The following BMP6 variants were observed in gnomAD, a reference collection of about 807,000 sequenced individuals.
BMP6 encodes bone morphogenetic protein 6.
BMP6 carries 17 observed loss-of-function variants against 54.1 expected under a neutral mutation model. That is an observed-to-expected ratio of 0.31 (90% CI 0.22 to 0.47). The LOEUF (loss-of-function observed/expected upper bound fraction) is 0.47. BMP6 is among the 20% of genes least tolerant of loss of function. The pLI, the probability that BMP6 is intolerant of heterozygous loss-of-function variation, is 1.00. For synonymous variants in BMP6, 328 were observed against 291.2 expected (o/e 1.13, Z -1.28); for missense variants, 720 against 690.4 (o/e 1.04, Z -0.48).
At chr6:7,819,153 C>A (rs753910360) in intron 1 of BMP6, among the ~76,000 whole-genome samples, 4 of 152,096 alleles carry the variant, frequency 2.6e-5, no homozygotes, top group Non-Finnish European at 5.9e-5. Context: ...ACTGTTCACG[C>A]GTGCACATGT....
At chr6:7,798,480 A>G (rs938232611) in intron 1 of BMP6, among the ~76,000 whole-genome samples, 1 of 152,220 alleles carries the variant, frequency 6.6e-6, no homozygotes, top group Non-Finnish European at 1.5e-5. Flanking sequence ...TACAGTGCGC[A>G]TGAGCATCTC....
intron 1 of BMP6, among the ~76,000 whole-genome samples, chr6:7,814,528 T>C (rs1758494681): frequency 6.6e-6 from 1 of 152,206 alleles, no homozygotes; most frequent in Admixed American, 6.5e-5. Flanking sequence ...CAATATCCTT[T>C]TAAATCTTAT....
intron 1 of BMP6, among the ~76,000 whole-genome samples, chr6:7,783,213 G>A (rs1028546033): frequency 1.3e-5 from 2 of 152,164 alleles, no homozygotes; most frequent in Non-Finnish European, 2.9e-5. Flanking sequence ...AATACTCCCC[G>A]GGAAGGAACC....
intron 2 of BMP6, 62 bp from the exon 3 acceptor site, chr6:7,861,389 A>G: frequency 6.3e-7 from 1 of 1,584,988 alleles, no homozygotes; most frequent in South Asian, 1.1e-5. Flanking sequence ...CTGAGACAGG[A>G]AAGAGTGGGA....
intron 1 of BMP6, among the ~76,000 whole-genome samples, chr6:7,784,163 T>C (rs1757988348): frequency 6.6e-6 from 1 of 152,248 alleles, no homozygotes; most frequent in Non-Finnish European, 1.5e-5. Flanking sequence ...CTAGCCTGCT[T>C]ACTCTGTATT....
At chr6:7,755,199 G>T (rs1372796010) in intron 1 of BMP6, among the ~76,000 whole-genome samples, 1 of 151,906 alleles carries the variant, frequency 6.6e-6, no homozygotes, top group Non-Finnish European at 1.5e-5. Flanking sequence ...GATGTGTCTG[G>T]GTGTAAATCT....
chr6:7,734,514 G>A (rs563785780), intron 1 of BMP6, among the ~76,000 whole-genome samples: 18 of 152,172 alleles, frequency 1.2e-4, no homozygotes, highest in Admixed American at 3.9e-4. Flanking sequence ...TGGAAGAGCC[G>A]AGGAAACCCA....
At chr6:7,851,445 C>T (rs560714812) in intron 2 of BMP6, among the ~76,000 whole-genome samples, 2 of 152,228 alleles carry the variant, frequency 1.3e-5, no homozygotes, top group South Asian at 4.1e-4. Flanking sequence ...TAATTTGTAT[C>T]CAGCAACCTT....
At chr6:7,818,556 G>C (rs1190426932) in intron 1 of BMP6, among the ~76,000 whole-genome samples, 1 of 152,192 alleles carries the variant, frequency 6.6e-6, no homozygotes, top group African/African-American at 2.4e-5. Context: ...AGAGTGGCCT[G>C]GCACTTTTAG....
chr6:7,864,609 A>G (rs1759389626), intron 4 of BMP6, among the ~76,000 whole-genome samples: 1 of 152,130 alleles, frequency 6.6e-6, no homozygotes, highest in Non-Finnish European at 1.5e-5. Context: ...CTTCTTTGGG[A>G]AGCAGTGTCT....
chr6:7,761,775 A>G (rs2113142341), intron 1 of BMP6, among the ~76,000 whole-genome samples: 1 of 152,320 alleles, frequency 6.6e-6, no homozygotes, highest in East Asian at 1.9e-4. Context: ...CAAAGTCTTT[A>G]CGGCATTTTC....
intron 1 of BMP6, among the ~76,000 whole-genome samples, chr6:7,837,006 G>A (rs142027815): frequency 6.6e-6 from 1 of 152,318 alleles, no homozygotes; most frequent in African/African-American, 2.4e-5. Context: ...CAAGTTTGGT[G>A]TGTAACTGTA....
chr6:7,838,233 C>T (rs1038699931), intron 1 of BMP6, among the ~76,000 whole-genome samples: 1 of 152,076 alleles, frequency 6.6e-6, no homozygotes, highest in Non-Finnish European at 1.5e-5. Flanking sequence ...ATTAATCTTA[C>T]TATGCCTAAT....
At chr6:7,735,138 G>A (rs553060559) in intron 1 of BMP6, among the ~76,000 whole-genome samples, 2 of 152,338 alleles carry the variant, frequency 1.3e-5, no homozygotes, top group East Asian at 1.9e-4. Context: ...CCCGGAGCCC[G>A]CTCCACCCTG....
At chr6:7,836,728 C>T (rs1053843078) in intron 1 of BMP6, among the ~76,000 whole-genome samples, 15 of 152,160 alleles carry the variant, frequency 9.9e-5, no homozygotes, top group African/African-American at 3.4e-4. Context: ...AATATGAATA[C>T]AAATACTTAG....
At chr6:7,773,186 C>T (rs1159487630) in intron 1 of BMP6, among the ~76,000 whole-genome samples, 1 of 152,218 alleles carries the variant, frequency 6.6e-6, no homozygotes, top group East Asian at 1.9e-4. Flanking sequence ...CTTGTACCTG[C>T]TCCCAAATGG....
chr6:7,881,512 C>T lies in BMP6; in HGVS notation c.*1169C>T, dbSNP rs571982770. 1 of 152,016 alleles carries T rather than the reference C, an allele frequency of 6.6e-6. No homozygotes were observed. Among genetic ancestry groups the T allele is most frequent in the South Asian group, 2.1e-4 (1 of 4,806 alleles). 9.4% of individuals were successfully genotyped at this position (152,016 alleles called of 1,614,324 possible). A position where few individuals can be genotyped will look rare whatever the true frequency, so the allele number is the denominator to read the frequency against. On this transcript the variant is annotated 3_prime_UTR_variant, in exon 7 of 7. Coordinates refer to ENST00000283147, the MANE Select transcript of BMP6 (RefSeq NM_001718.6). ...TTTGCTGTAACATTGAAGGAAAGAC[C>T]AGACTTTTAAAAAAAAAGAGTTTAT...
intron 1 of BMP6, among the ~76,000 whole-genome samples, chr6:7,761,575 G>A (rs559031762): frequency 5.9e-5 from 9 of 152,272 alleles, no homozygotes; most frequent in East Asian, 1.9e-4. Context: ...TGGAATGGCC[G>A]GAACACAAGA....
intron 1 of BMP6, among the ~76,000 whole-genome samples, chr6:7,824,538 G>A (rs1251179150): frequency 9.2e-5 from 14 of 152,168 alleles, no homozygotes; most frequent in Non-Finnish European, 1.9e-4. Context: ...TGAATATCTA[G>A]CTAAATAGGA....
Sources: gnomAD v4.1 joint callset for allele counts (sites outside exome capture counted in the v4.1 genomes callset) on GRCh38, gnomAD v4.1.1 for gene constraint, MANE v1.5 for transcripts, NCBI Gene and HGNC (gene_info 2026-07-23, HGNC 2026-07-21) for gene names.